The following DPYD variants were observed in gnomAD, a reference collection of about 807,000 sequenced individuals.
DPYD encodes the protein dihydropyrimidine dehydrogenase [NADP(+)].
DPYD carries 109 observed loss-of-function variants against 116.2 expected under a neutral mutation model. That is an observed-to-expected ratio of 0.94 (90% CI 0.80 to 1.10). The LOEUF (loss-of-function observed/expected upper bound fraction) is 1.10. DPYD is among the 50% of genes least tolerant of loss of function. The pLI is 0.00. For missense variants in DPYD, 1,302 were observed against 1,254.5 expected (o/e 1.04, Z -0.57); for synonymous variants, 440 against 432.0 (o/e 1.02, Z -0.23).
chr1:97,444,918 T>G (rs1675994816), intron 14 of DPYD, among the ~76,000 whole-genome samples: 1 of 152,130 alleles, frequency 6.6e-6, no homozygotes, highest in Admixed American at 6.6e-5. Flanking sequence ...ATAAGGGCCC[T>G]TGGTCCCCAG....
In DPYD at chr1:97,265,628, T is replaced by C. The variant is rs147737800; in HGVS notation, c.2300-30634A>G. 1.4e-4 allele frequency among the ~76,000 whole-genome samples: 21 copies of C among 152,358 alleles called. No homozygotes were observed. In the East Asian group the frequency reaches 3.9e-3, roughly 28 times the overall value. On this transcript the variant is annotated intron_variant, in intron 18 of 22. Transcript: ENST00000370192. ...GTGGGAGTTTGAATGTGGTAGAATT[T>C]GTGTCATTGTGATGTACAAAAAATC...
chr1:97,590,047 T>C (rs142770678), intron 10 of DPYD, among the ~76,000 whole-genome samples: 15 of 152,288 alleles, frequency 9.8e-5, no homozygotes, highest in Non-Finnish European at 2.1e-4. Context: ...TAGATAATGA[T>C]ATTGGACCTG....
intron 8 of DPYD, among the ~76,000 whole-genome samples, chr1:97,611,542 T>C (rs1655951527): frequency 6.6e-6 from 1 of 152,098 alleles, no homozygotes; most frequent in African/African-American, 2.4e-5. Flanking sequence ...TCCATGCAAC[T>C]GCAATTTGAA....
chr1:97,430,211 A>C (rs1478627105), intron 14 of DPYD, among the ~76,000 whole-genome samples: 1 of 152,136 alleles, frequency 6.6e-6, no homozygotes, highest in East Asian at 1.9e-4. Context: ...ATAAATCAGA[A>C]AATCGCAGGA....
At chr1:97,500,714 T>C (rs1679530518) in intron 13 of DPYD, among the ~76,000 whole-genome samples, 1 of 152,092 alleles carries the variant, frequency 6.6e-6, no homozygotes, top group African/African-American at 2.4e-5. Flanking sequence ...TAATTTAGGC[T>C]TCAGATGCAT....
At chr1:97,865,917 T>C (rs902043118) in intron 2 of DPYD, among the ~76,000 whole-genome samples, 5 of 151,994 alleles carry the variant, frequency 3.3e-5, no homozygotes, top group African/African-American at 1.2e-4. Flanking sequence ...CATTGAACTA[T>C]TGAGCTATAA....
intron 11 of DPYD, among the ~76,000 whole-genome samples, chr1:97,563,209 T>C (rs1652288423): frequency 6.6e-6 from 1 of 152,218 alleles, no homozygotes; most frequent in African/African-American, 2.4e-5. Flanking sequence ...TACATCTTGA[T>C]TTTACATCTC....
At position 97,310,847 on chromosome 1, in the gene DPYD, C is replaced by T. The variant is rs77662532; in HGVS notation, c.2059-4550G>A. On this transcript the variant is annotated intron_variant, in intron 16 of 22. Transcript: ENST00000370192. ...AAATAGGCCCAAATTTGACATAATG[C>T]CAATATTCATCAATATGTGAGTTGA... Among the ~76,000 whole-genome samples the T allele has an allele frequency of 2.6e-4, 39 of 151,772 alleles. 1 individual carries two copies. The highest frequency in any genetic ancestry group is 1.2e-3 in the South Asian group (6 of 4,816).
intron 7 of DPYD, among the ~76,000 whole-genome samples, chr1:97,679,946 A>G (rs1305696159): frequency 1.3e-5 from 2 of 152,092 alleles, no homozygotes; most frequent in African/African-American, 2.4e-5. Context: ...TAAGCCCTGG[A>G]AAAAGGGGAA....
At chr1:97,237,241 C>CAAAAAAAAAA (rs58926889) in intron 18 of DPYD, among the ~76,000 whole-genome samples, 7 of 57,692 alleles carry the variant, frequency 1.2e-4, no homozygotes, top group Admixed American at 2.2e-4. Flanking sequence ...GATTCTGTCT[C>CAAAAAAAAAA]AAAAAAAAAA....
chr1:97,691,373 T>C lies in DPYD; in HGVS notation c.762+344A>G, dbSNP rs529067320. On this transcript the variant is annotated intron_variant, in intron 7 of 22. Coordinates refer to ENST00000370192, the MANE Select transcript of DPYD (RefSeq NM_000110.4). ...GTTCCAAATTGTGAAATACTAATGT[T>C]TCAGAGTGCACACAACTTGCATGAA... 1.7e-4 allele frequency: 36 copies of C among 205,964 alleles called. No individual in the cohort carries two copies. The South Asian group carries it at 2.9e-3, about 16-fold the overall frequency. The allele number at this position is 205,964 out of a possible 1,614,324, so 12.8% of individuals were successfully genotyped here.
intron 3 of DPYD, among the ~76,000 whole-genome samples, chr1:97,818,761 C>A (rs986495155): frequency 6.6e-6 from 1 of 151,668 alleles, no homozygotes; most frequent in African/African-American, 2.4e-5. Context: ...TGTGTGTATC[C>A]GTGTGTGTGC....
At chr1:97,698,989 T>C (rs918242602) in intron 6 of DPYD, among the ~76,000 whole-genome samples, 2 of 152,080 alleles carry the variant, frequency 1.3e-5, no homozygotes, top group Non-Finnish European at 2.9e-5. Flanking sequence ...CAATATTCCA[T>C]GGATCTAGGT....
intron 3 of DPYD, among the ~76,000 whole-genome samples, chr1:97,751,452 G>GTATATATATA (rs1557933124): frequency 1.0e-3 from 34 of 33,152 alleles, no homozygotes; most frequent in Non-Finnish European, 1.4e-3. Context: ...GTGTGTGTGT[G>GTATATATATA]TGTGTGTGTA....
At chr1:97,191,670 C>A (rs992983625) in intron 20 of DPYD, among the ~76,000 whole-genome samples, 8 of 152,244 alleles carry the variant, frequency 5.3e-5, no homozygotes, top group African/African-American at 1.7e-4. Context: ...CAGTGCAATG[C>A]AGCTACTTCC....
chr1:97,714,801 G>T lies in DPYD; in HGVS notation c.483+6709C>A, dbSNP rs529137059. ...TTTGGCTAGCCTAGAAGATGCAACA[G>T]ATACTGCTGTGGCCTTACAGCCAGA... On this transcript the variant is annotated intron_variant, in intron 5 of 22. Coordinates refer to ENST00000370192, the MANE Select transcript of DPYD (RefSeq NM_000110.4). Among the ~76,000 whole-genome samples, 124 of 152,170 alleles carry T rather than the reference G, an allele frequency of 8.1e-4. 3 individuals are homozygous for T. The South Asian group carries it at 0.025, about 31-fold the overall frequency.
At chr1:97,235,329 T>A (rs2184191) in intron 18 of DPYD, among the ~76,000 whole-genome samples, 14,684 of 152,232 alleles carry the variant, frequency 0.096, 987 homozygotes, top group East Asian at 0.35. Flanking sequence ...AAAGATTGCA[T>A]AGAATATTTG....
intron 3 of DPYD, among the ~76,000 whole-genome samples, chr1:97,790,178 C>G (rs1667243396): frequency 6.6e-6 from 1 of 152,162 alleles, no homozygotes. Flanking sequence ...TAAGAGCAAA[C>G]TCTTTCTGGT....
chr1:97,337,885 C>T (rs1669382488), intron 16 of DPYD, among the ~76,000 whole-genome samples: 1 of 152,166 alleles, frequency 6.6e-6, no homozygotes, highest in African/African-American at 2.4e-5. Context: ...AGCTGTGGCA[C>T]TCAGTCTGGC....
Sources: allele counts gnomAD v4.1 joint callset (sites outside exome capture counted in the v4.1 genomes callset), GRCh38; gene constraint gnomAD v4.1.1; transcripts MANE v1.5; gene names NCBI Gene and HGNC (gene_info 2026-07-23, HGNC 2026-07-21).